Variants in SYCP1 observed in about 807,000 individuals in gnomAD.
SYCP1 encodes cancer/testis antigen 8.
A neutral mutation model predicts 153.1 loss-of-function variants in SYCP1; 64 were observed. The observed-to-expected ratio is 0.42, with a 90% CI of 0.34 to 0.51. SYCP1 has a LOEUF of 0.51. Ranked by LOEUF, SYCP1 falls within the 20% of genes least tolerant of loss-of-function variation. The probability of loss-of-function intolerance (pLI) is 0.06; values close to 1 mark genes in which losing one functional copy is unlikely to be tolerated. For missense variants in SYCP1, 997 were observed against 1,049.0 expected (o/e 0.95, Z 0.68); for synonymous variants, 384 against 341.8 (o/e 1.12, Z -1.36).
intron 27 of SYCP1, among the ~76,000 whole-genome samples, chr1:114,964,963 A>G (rs1429440625): frequency 6.6e-6 from 1 of 152,116 alleles, no homozygotes; most frequent in Non-Finnish European, 1.5e-5. Flanking sequence ...CAGCATGGCC[A>G]TTTTCATGGT....
At chr1:114,968,488 A>G (rs1404507711) in intron 27 of SYCP1, among the ~76,000 whole-genome samples, 1 of 152,138 alleles carries the variant, frequency 6.6e-6, no homozygotes, top group Non-Finnish European at 1.5e-5. Context: ...ATACTTGTGT[A>G]TGTTTCACGA....
intron 22 of SYCP1, 35 bp from the exon 23 acceptor site, chr1:114,926,466 T>G: frequency 1.3e-6 from 2 of 1,518,302 alleles, no homozygotes; most frequent in Non-Finnish European, 1.8e-6. Flanking sequence ...TTGAATAACT[T>G]TAGTACTAAA....
intron 8 of SYCP1, among the ~76,000 whole-genome samples, chr1:114,870,276 G>T (rs1288103410): frequency 6.6e-6 from 1 of 152,184 alleles, no homozygotes; most frequent in Non-Finnish European, 1.5e-5. Flanking sequence ...TCCTCTCAAA[G>T]TACTGGGATT....
intron 28 of SYCP1, among the ~76,000 whole-genome samples, chr1:114,980,123 A>G (rs1340990447): frequency 6.6e-6 from 1 of 151,854 alleles, no homozygotes; most frequent in East Asian, 1.9e-4. Context: ...ACACGATTCT[A>G]GAAAAAGGGG....
intron 10 of SYCP1, 77 bp from the exon 11 acceptor site, chr1:114,876,660 A>G (rs1429462924): frequency 5.3e-6 from 4 of 761,390 alleles, no homozygotes; most frequent in Non-Finnish European, 7.5e-6. Flanking sequence ...GGTGAAATAA[A>G]CTTTAAATTT....
intron 3 of SYCP1, 72 bp from the exon 4 acceptor site, chr1:114,857,148 AAAAAAAAAAGAG>A: frequency 1.1e-6 from 1 of 901,276 alleles, no homozygotes; most frequent in South Asian, 1.9e-5. Flanking sequence ...AAAAAAAAAA[AAAAAAAAAAGAG>A]AAAAAAGAAA....
At chr1:114,876,566 T>A (rs1320762072) in intron 10 of SYCP1, among the ~76,000 whole-genome samples, 171 bp from the exon 11 acceptor site, 1 of 151,542 alleles carries the variant, frequency 6.6e-6, no homozygotes, top group African/African-American at 2.4e-5. Flanking sequence ...TATTTACTAT[T>A]TTACTAAACA....
chr1:114,887,650 G>A lies in SYCP1; in HGVS notation c.1215G>A (p.Leu405=). ...GATTGGAAAAAAATGAAGATCAATT[G>A]AAAATACTTACCATGGAGCTTCAAA... ...QQRLEKNEDQ[L]KILTMELQKK... The change falls in exon 15 of 32, where the codon TTG becomes TTA. Residue 405 remains leucine, a synonymous_variant. Coordinates refer to ENST00000369522, the MANE Select transcript of SYCP1 (RefSeq NM_003176.4). The A allele has an allele frequency of 6.4e-7, 1 of 1,566,568 alleles. No individual in the cohort carries two copies.
chr1:114,964,252 C>G (rs1234810364), intron 27 of SYCP1, among the ~76,000 whole-genome samples: 1 of 151,944 alleles, frequency 6.6e-6, no homozygotes, highest in Non-Finnish European at 1.5e-5. Context: ...TGTTTAAGTT[C>G]CTTGTAGATT....
chr1:114,875,867 T>C lies in SYCP1; in HGVS notation c.658-202T>C, dbSNP rs11102847. Among the ~76,000 whole-genome samples the C allele has an allele frequency of 3.8e-3, 586 of 152,346 alleles. 6 individuals carry two copies. Among genetic ancestry groups the C allele is most frequent in the African/African-American group, 0.013 (551 of 41,580 alleles). On this transcript the variant is annotated intron_variant, in intron 9 of 31. Coordinates refer to ENST00000369522, the MANE Select transcript of SYCP1 (RefSeq NM_003176.4). ...TTTGTATTGTATAACATGTTGCCAG[T>C]GCATTTAAGCATCTGGGAAACTAAC... is the stretch of plus-strand genomic sequence containing the variant.
At chr1:114,856,052 G>A (rs1362827552) in intron 2 of SYCP1, among the ~76,000 whole-genome samples, 1 of 152,080 alleles carries the variant, frequency 6.6e-6, no homozygotes, top group Non-Finnish European at 1.5e-5. Flanking sequence ...TTGGATAGGA[G>A]GAATTATACC....
chr1:114,984,623 T>C (rs1163075704), intron 29 of SYCP1, 102 bp from the exon 30 acceptor site: 2 of 966,988 alleles, frequency 2.1e-6, no homozygotes, highest in Non-Finnish European at 2.7e-6. Flanking sequence ...AGGTTTCTGA[T>C]TGCTAAGGAC....
At chr1:114,907,582 C>CT (rs542034470) in intron 16 of SYCP1, among the ~76,000 whole-genome samples, 5,905 of 134,272 alleles carry the variant, frequency 0.044, 164 homozygotes, top group Non-Finnish European at 0.065. Flanking sequence ...AATGTTGAAA[C>CT]TTTTTTTTTT....
intron 16 of SYCP1, among the ~76,000 whole-genome samples, chr1:114,902,983 C>T (rs1444908112): frequency 2.6e-5 from 4 of 152,004 alleles, no homozygotes; most frequent in Non-Finnish European, 5.9e-5. Context: ...AGTTCGAGAT[C>T]GGCCTAGACA....
intron 8 of SYCP1, among the ~76,000 whole-genome samples, chr1:114,869,335 AT>A (rs1367622767): frequency 6.6e-6 from 1 of 152,042 alleles, no homozygotes; most frequent in Non-Finnish European, 1.5e-5. Flanking sequence ...GCATTTTGTG[AT>A]TTTCCAGGTA....
At chr1:114,949,381 A>G (rs1029494105) in intron 27 of SYCP1, among the ~76,000 whole-genome samples, 3 of 152,220 alleles carry the variant, frequency 2.0e-5, no homozygotes, top group African/African-American at 7.2e-5. Context: ...TAACCTTGAA[A>G]GATGGTCAGG....
chr1:114,891,838 T>C (rs1470646997), intron 15 of SYCP1, among the ~76,000 whole-genome samples: 1 of 152,214 alleles, frequency 6.6e-6, no homozygotes, highest in Non-Finnish European at 1.5e-5. Context: ...ATGAGGAATG[T>C]AACAGACATG....
chr1:114,993,650 G>C (rs1038613204), intron 30 of SYCP1, among the ~76,000 whole-genome samples: 3 of 151,414 alleles, frequency 2.0e-5, no homozygotes, highest in African/African-American at 7.3e-5. Flanking sequence ...CTAAATAAGT[G>C]TTAGCTATCA....
At chr1:114,868,251 G>T (rs991494188) in intron 8 of SYCP1, among the ~76,000 whole-genome samples, 5 of 151,630 alleles carry the variant, frequency 3.3e-5, no homozygotes, top group South Asian at 4.2e-4. Flanking sequence ...TGATCCTCCT[G>T]CCTCAGCCTC....
Sources: gnomAD v4.1 joint callset for allele counts (sites outside exome capture counted in the v4.1 genomes callset) on GRCh38, gnomAD v4.1.1 for gene constraint, MANE v1.5 for transcripts, NCBI Gene and HGNC (gene_info 2026-07-23, HGNC 2026-07-21) for gene names.